The following ECHS1 variants were observed in gnomAD, a reference collection of about 807,000 sequenced individuals.
ECHS1 encodes the protein enoyl-CoA hydratase, short chain 1.
In ECHS1, 19 loss-of-function variants were observed where a neutral mutation model predicts 33.5. The ratio of observed to expected loss-of-function variants is 0.57; its 90% CI spans 0.40 to 0.83. The LOEUF is 0.83. Among genes scored for constraint, ECHS1 ranks in the 40% least tolerant of loss-of-function variants. The probability of loss-of-function intolerance (pLI) is 0.00; values close to 1 mark genes in which losing one functional copy is unlikely to be tolerated. For synonymous variants in ECHS1, 158 were observed against 146.6 expected (o/e 1.08, Z -0.56); for missense variants, 365 against 381.3 (o/e 0.96, Z 0.36).
rs989377203 is a variant in ECHS1, at chr10:133,366,153, T to A, written c.620-58A>T. On this transcript the variant is annotated intron_variant, in intron 5 of 7. Transcript: ENST00000368547. ...AGAAACAGCACTTGTCTATCCCTTC[T>A]CGAGTGAGTGGCCGCTGGGGAGCAG... 6.8e-5 allele frequency: 108 copies of A among 1,580,898 alleles called. 1 individual carries two copies. In the Admixed American group the frequency reaches 1.8e-3, roughly 27 times the overall value.
At position 133,370,492 on chromosome 10, in the gene ECHS1, G is replaced by A. The variant is rs143257032; in HGVS notation, c.286+68C>T. ...CACAGAGGCGCAAATCTGTCTGGAG[G>A]CTTCTCCCAAGGCCATACGTGCCTC... On this transcript the variant is annotated intron_variant, in intron 2 of 7. Transcript: ENST00000368547. The A allele has an allele frequency of 1.0e-3, 1,431 of 1,413,688 alleles. 5 individuals are homozygous for A. The highest frequency in any genetic ancestry group is 9.7e-3 in the Middle Eastern group (38 of 3,904). 87.6% of individuals were successfully genotyped at this position (1,413,688 alleles called of 1,614,324 possible). A position where few individuals can be genotyped will look rare whatever the true frequency, so the allele number is the denominator to read the frequency against.
rs547125768 is a variant in ECHS1, at chr10:133,367,943, G to A, written c.515-950C>T. Among the ~76,000 whole-genome samples, 20 of 152,192 alleles carry A rather than the reference G, an allele frequency of 1.3e-4. 1 individual carries two copies. The highest frequency in any genetic ancestry group is 1.9e-4 in the African/African-American group (8 of 41,528). On this transcript the variant is annotated intron_variant, in intron 4 of 7. Transcript: ENST00000368547. ...TTGTCAATCACTTAGAGGATTCACC[G>A]TCCTCACCCTGCCCCCTCGTCCTGT... is the stretch of plus-strand genomic sequence containing the variant.
intron 6 of ECHS1, among the ~76,000 whole-genome samples, chr10:133,365,105 G>C (rs772280130): frequency 1.3e-5 from 2 of 152,256 alleles, no homozygotes. Context: ...AGAGCTGGGC[G>C]CGGCCGGCAC....
rs10466126 is a variant in ECHS1 at position 133,373,302 on chromosome 10, A to G, written c.32T>C (p.Val11Ala). ...AACCGGGGGCCTCAGCGGGCCGCGG[A>G]CGCAGGACAGCAGGACACGCAGGGC... is the stretch of plus-strand genomic sequence containing the variant. MAALRVLLSC[V>A]RGPLRPPVRC... Residue 11 changes from valine (V) to alanine (A), a missense_variant, in exon 1 of 8, where the codon GTC (valine) becomes GCC (alanine). Transcript: ENST00000368547. 1,088,072 of 1,491,544 alleles carry G rather than the reference A, an allele frequency of 0.73. 404,865 individuals carry two copies. Among genetic ancestry groups the G allele is most frequent in the East Asian group, 0.92 (31,951 of 34,808 alleles). The allele number at this position is 1,491,544 out of a possible 1,614,324, so 92.4% of individuals were successfully genotyped here.
At chr10:133,371,016 G>A (rs977945119) in intron 1 of ECHS1, among the ~76,000 whole-genome samples, 2 of 152,228 alleles carry the variant, frequency 1.3e-5, no homozygotes, top group Admixed American at 6.5e-5. Context: ...GGTGGCTCAC[G>A]CCTGTAATCC....
At chr10:133,364,567 C>A in intron 7 of ECHS1, 91 bp downstream of exon 7, 1 of 1,044,246 alleles carries the variant, frequency 9.6e-7, no homozygotes, top group South Asian at 1.3e-5. Context: ...CAGAAAGAAA[C>A]GATACTTAAT....
At chr10:133,370,508 T>C (rs1849089936) in intron 2 of ECHS1, 52 bp downstream of exon 2, 1 of 1,451,502 alleles carries the variant, frequency 6.9e-7, no homozygotes, top group Middle Eastern at 2.4e-4. Context: ...CCCAAGGCCA[T>C]ACGTGCCTCC....
At chr10:133,369,788 G>A (rs1589882503) in intron 3 of ECHS1, 116 bp downstream of exon 3, 1 of 1,403,492 alleles carries the variant, frequency 7.1e-7, no homozygotes, top group East Asian at 2.4e-5. Flanking sequence ...GGCAGGAAAG[G>A]AGGCTGCTGG....
chr10:133,367,030 G>GTCTTCTTGGGTTCACTCATCAC, intron 4 of ECHS1, 37 bp from the exon 5 acceptor site: 1 of 1,536,054 alleles, frequency 6.5e-7, no homozygotes, highest in Non-Finnish European at 8.9e-7. Context: ...GCACTGTGAT[G>GTCTTCTTGGGTTCACTCATCAC]AGTGAACCCA....
At chr10:133,371,709 AGAAGGT>A (rs1261610898) in intron 1 of ECHS1, 1 of 154,678 alleles carries the variant, frequency 6.5e-6, no homozygotes, top group African/African-American at 2.4e-5. Flanking sequence ...TCCAGGGGTG[AGAAGGT>A]GAACCTGAAA....
At chr10:133,366,608 G>A (rs1849034281) in intron 5 of ECHS1, among the ~76,000 whole-genome samples, 1 of 151,378 alleles carries the variant, frequency 6.6e-6, no homozygotes, top group African/African-American at 2.4e-5. Flanking sequence ...TTTCTGTGGG[G>A]CTCCCACGAG....
intron 4 of ECHS1, 27 bp from the exon 5 acceptor site, chr10:133,367,020 G>T: frequency 6.4e-7 from 1 of 1,569,634 alleles, no homozygotes; most frequent in Non-Finnish European, 8.7e-7. Flanking sequence ...GTCATGGCTG[G>T]CACTGTGATG....
intron 4 of ECHS1, 98 bp from the exon 5 acceptor site, chr10:133,367,091 G>T: frequency 1.1e-6 from 1 of 952,040 alleles, no homozygotes. Context: ...CTTAAGATAG[G>T]CCCTGAGACT....
At chr10:133,371,155 T>C (rs1429493426) in intron 1 of ECHS1, among the ~76,000 whole-genome samples, 1 of 151,886 alleles carries the variant, frequency 6.6e-6, no homozygotes, top group Admixed American at 6.5e-5. Flanking sequence ...CGGGCGCCTG[T>C]AGTCCCAGCT....
intron 2 of ECHS1, 92 bp from the exon 3 acceptor site, chr10:133,370,123 A>C (rs1589882661): frequency 6.5e-7 from 1 of 1,535,422 alleles, no homozygotes. Context: ...TTCAGAGCAC[A>C]CCAGACACAG....
chr10:133,364,834 C>T (rs57881206), intron 6 of ECHS1, 109 bp from the exon 7 acceptor site: 39 of 841,102 alleles, frequency 4.6e-5, no homozygotes, highest in Admixed American at 1.0e-4. Context: ...GTGCTTTCGA[C>T]GTGGCCCAGC....
At chr10:133,364,782 G>T in intron 6 of ECHS1, 57 bp from the exon 7 acceptor site, 1 of 1,430,288 alleles carries the variant, frequency 7.0e-7, no homozygotes, top group Non-Finnish European at 9.9e-7. Context: ...AACTTTTCCT[G>T]CACGGTGACA....
chr10:133,365,895 T>C (rs1849021091), intron 6 of ECHS1, 81 bp downstream of exon 6: 1 of 1,550,718 alleles, frequency 6.4e-7, no homozygotes, highest in East Asian at 2.2e-5. Flanking sequence ...CATATTCATT[T>C]GGAGCCAGAA....
In ECHS1 at chr10:133,366,968, G is replaced by A. The variant is rs1302613360; in HGVS notation, c.540C>T (p.Thr180=). ...IPGAGGTQRL[T]RAVGKSLAME... ...TCGCCAGCGACTTCCCAACAGCACG[G>A]GTGAGTCTCTGGGTGCCGCCCGCAC... The change falls in exon 5 of 8, where the codon ACC becomes ACT. Residue 180 remains threonine, a synonymous_variant. Coordinates refer to ENST00000368547, the MANE Select transcript of ECHS1 (RefSeq NM_004092.4). The A allele has an allele frequency of 6.2e-7, 1 of 1,612,494 alleles. No individual in the cohort carries two copies. Among genetic ancestry groups the A allele is most frequent in the East Asian group, 2.2e-5 (1 of 44,888 alleles).
Sources: allele counts gnomAD v4.1 joint callset (sites outside exome capture counted in the v4.1 genomes callset), GRCh38; gene constraint gnomAD v4.1.1; transcripts MANE v1.5; gene names NCBI Gene and HGNC (gene_info 2026-07-23, HGNC 2026-07-21).